The following NKAIN2 variants were observed in gnomAD, a reference collection of about 807,000 sequenced individuals.
NKAIN2 encodes the protein sodium/potassium transporting ATPase interacting 2.
In NKAIN2, 14 loss-of-function variants were observed where a neutral mutation model predicts 32.6. That is an observed-to-expected ratio of 0.43 (90% CI 0.28 to 0.67). NKAIN2 has a LOEUF of 0.67. Ranked by LOEUF, NKAIN2 falls within the 30% of genes least tolerant of loss-of-function variation. The pLI is 0.17. For missense variants in NKAIN2, 198 were observed against 258.3 expected (o/e 0.77, Z 1.60); for synonymous variants, 80 against 87.2 (o/e 0.92, Z 0.46).
intron 4 of NKAIN2, among the ~76,000 whole-genome samples, chr6:124,673,424 G>A (rs750713910): frequency 1.3e-5 from 2 of 152,036 alleles, no homozygotes; most frequent in Non-Finnish European, 2.9e-5. Flanking sequence ...ATTGTTGAAT[G>A]ATATGATCAT....
At chr6:124,571,056 C>T (rs1031152673) in intron 3 of NKAIN2, among the ~76,000 whole-genome samples, 2 of 149,556 alleles carry the variant, frequency 1.3e-5, no homozygotes, top group African/African-American at 5.1e-5. Flanking sequence ...TTGACTGGCT[C>T]ACTGGATTTT....
At chr6:124,817,225 A>G (rs4455693) in intron 5 of NKAIN2, among the ~76,000 whole-genome samples, 7,122 of 152,000 alleles carry the variant, frequency 0.047, 549 homozygotes, top group African/African-American at 0.16. Flanking sequence ...TTCTTAAAAC[A>G]TTATGAGATT....
intron 1 of NKAIN2, among the ~76,000 whole-genome samples, chr6:123,819,747 G>A (rs1301798263): frequency 6.6e-6 from 1 of 152,188 alleles, no homozygotes; most frequent in African/African-American, 2.4e-5. Context: ...AGGGACACCA[G>A]TGAGTAGCTT....
At chr6:124,735,904 A>G (rs1303698188) in intron 4 of NKAIN2, among the ~76,000 whole-genome samples, 5 of 151,876 alleles carry the variant, frequency 3.3e-5, no homozygotes, top group Non-Finnish European at 7.4e-5. Flanking sequence ...AATTAGGCCA[A>G]TTAGTAACCC....
At chr6:124,314,537 A>G (rs551277780) in intron 2 of NKAIN2, among the ~76,000 whole-genome samples, 2 of 152,166 alleles carry the variant, frequency 1.3e-5, no homozygotes, top group South Asian at 4.1e-4. Context: ...ATGATGTTGC[A>G]AATAAAGCCT....
At chr6:124,381,964 A>T (rs1333158226) in intron 3 of NKAIN2, among the ~76,000 whole-genome samples, 1 of 152,208 alleles carries the variant, frequency 6.6e-6, no homozygotes, top group East Asian at 1.9e-4. Flanking sequence ...TTCCTGTCAC[A>T]TCAAACAAAT....
intron 3 of NKAIN2, among the ~76,000 whole-genome samples, chr6:124,555,881 T>C (rs1301944690): frequency 6.6e-6 from 1 of 152,206 alleles, no homozygotes; most frequent in Non-Finnish European, 1.5e-5. Context: ...GAACTCTTTA[T>C]CCAAGTTAAG....
intron 4 of NKAIN2, among the ~76,000 whole-genome samples, chr6:124,756,543 C>G (rs765523586): frequency 6.6e-6 from 1 of 152,028 alleles, no homozygotes; most frequent in African/African-American, 2.4e-5. Flanking sequence ...TTTCTGTAAT[C>G]CAGAACTTTG....
At chr6:124,149,770 C>A (rs1424949262) in intron 1 of NKAIN2, among the ~76,000 whole-genome samples, 2 of 151,894 alleles carry the variant, frequency 1.3e-5, no homozygotes, top group African/African-American at 2.4e-5. Context: ...TCCTGCAGAC[C>A]CTGGCTGATG....
chr6:124,539,372 ACT>A (rs1008268186), intron 3 of NKAIN2, among the ~76,000 whole-genome samples: 4 of 149,812 alleles, frequency 2.7e-5, no homozygotes, highest in African/African-American at 9.8e-5. Flanking sequence ...ATCTCAAAAT[ACT>A]CTCTCTTTTT....
At chr6:124,209,796 T>C (rs1389825091) in intron 1 of NKAIN2, among the ~76,000 whole-genome samples, 2 of 151,764 alleles carry the variant, frequency 1.3e-5, no homozygotes, top group Admixed American at 6.6e-5. Flanking sequence ...TCTATTTTAA[T>C]CAGATTATTT....
chr6:123,883,701 G>A (rs1773572461), intron 1 of NKAIN2, among the ~76,000 whole-genome samples: 1 of 148,414 alleles, frequency 6.7e-6, no homozygotes, highest in Non-Finnish European at 1.5e-5. Flanking sequence ...TTACCGGCCA[G>A]GCAATTTAAA....
intron 1 of NKAIN2, among the ~76,000 whole-genome samples, chr6:124,099,222 C>A (rs577800365): frequency 6.6e-6 from 1 of 151,878 alleles, no homozygotes; most frequent in African/African-American, 2.4e-5. Context: ...ATATGGCATG[C>A]CCTTTAGAGA....
At position 124,200,578 on chromosome 6, in the gene NKAIN2, C is replaced by T. The variant is rs141168469; in HGVS notation, c.55-82427C>T. Reference sequence around the variant, plus strand: ...TTAAAATATGCTAATATTTAAATCACCTACCACTTCATGAGTATCTTAGAT... The same window carrying T: ...TTAAAATATGCTAATATTTAAATCATCTACCACTTCATGAGTATCTTAGAT... On this transcript the variant is annotated intron_variant, in intron 1 of 6. Coordinates refer to ENST00000368417, the MANE Select transcript of NKAIN2 (RefSeq NM_001040214.3). 9.2e-5 allele frequency among the ~76,000 whole-genome samples: 14 copies of T among 152,194 alleles called. No homozygotes were observed. In the East Asian group the frequency reaches 9.6e-4, roughly 10 times the overall value.
intron 1 of NKAIN2, among the ~76,000 whole-genome samples, chr6:124,212,464 A>C (rs1450866446): frequency 6.6e-6 from 1 of 152,084 alleles, no homozygotes; most frequent in African/African-American, 2.4e-5. Context: ...GAGAGTTTAC[A>C]GTATTCTCAC....
chr6:123,867,026 A>G (rs1329261246), intron 1 of NKAIN2, among the ~76,000 whole-genome samples: 1 of 152,104 alleles, frequency 6.6e-6, no homozygotes, highest in African/African-American at 2.4e-5. Context: ...TCATTCCTAA[A>G]CAGACCTTCC....
intron 1 of NKAIN2, among the ~76,000 whole-genome samples, chr6:124,028,917 A>T (rs148776641): frequency 5.8e-5 from 1 of 17,158 alleles, no homozygotes; most frequent in African/African-American, 3.1e-4. Context: ...ATATATGTAT[A>T]TATATGTGTA....
At chr6:123,870,980 T>G (rs1169596624) in intron 1 of NKAIN2, among the ~76,000 whole-genome samples, 1 of 152,176 alleles carries the variant, frequency 6.6e-6, no homozygotes, top group East Asian at 1.9e-4. Context: ...TCAGCTATTT[T>G]TCTTGATATT....
intron 1 of NKAIN2, among the ~76,000 whole-genome samples, chr6:124,059,317 G>A (rs927261557): frequency 2.6e-5 from 4 of 151,912 alleles, no homozygotes; most frequent in African/African-American, 9.7e-5. Context: ...TCCTTTGTTC[G>A]GTTATGCTAT....
Sources: gnomAD v4.1 joint callset for allele counts (sites outside exome capture counted in the v4.1 genomes callset) on GRCh38, gnomAD v4.1.1 for gene constraint, MANE v1.5 for transcripts, NCBI Gene and HGNC (gene_info 2026-07-23, HGNC 2026-07-21) for gene names.